DMD: variants seen among roughly 807,000 people sequenced by gnomAD.
DMD encodes dystrophin, also known as mutant dystrophin.
Under a neutral mutation model 330.1 loss-of-function variants are expected in DMD, and 63 were observed. The observed-to-expected ratio is 0.19, with a 90% CI of 0.16 to 0.24. DMD has a LOEUF of 0.24. Among genes scored for constraint, DMD ranks in the 10% least tolerant of loss-of-function variants. The pLI is 1.00. For synonymous variants in DMD, 1,223 were observed against 959.8 expected (o/e 1.27, Z -5.07); for missense variants, 3,344 against 2,684.1 (o/e 1.25, Z -5.43).
chrX:31,491,210 C>A (rs1286488684), intron 57 of DMD, among the ~76,000 whole-genome samples: 3 of 111,999 alleles, frequency 2.7e-5, no homozygotes, highest in African/African-American at 6.5e-5. Context: ...TTGTTACAAT[C>A]AAGATCTAAT....
chrX:31,845,375 G>GTCTC (rs535397626), intron 48 of DMD, among the ~76,000 whole-genome samples: 4,134 of 59,759 alleles, frequency 0.069, 270 homozygotes, highest in Non-Finnish European at 0.092. Context: ...ACAGAATAAA[G>GTCTC]TCTCTCTCTC....
intron 44 of DMD, among the ~76,000 whole-genome samples, chrX:32,216,077 G>A (rs2097111288): frequency 8.9e-6 from 1 of 111,794 alleles, no homozygotes. Flanking sequence ...ACTACTGGGT[G>A]TTTTTTGCCC....
chrX:33,234,352 T>G (rs888061529), intron 1 of DMD, among the ~76,000 whole-genome samples: 4 of 110,925 alleles, frequency 3.6e-5, no homozygotes, highest in African/African-American at 1.3e-4. Context: ...TAGATGGGTG[T>G]GTGTGTGTGT....
intron 30 of DMD, among the ~76,000 whole-genome samples, chrX:32,401,019 A>T (rs1165713703): frequency 9.0e-6 from 1 of 110,749 alleles, no homozygotes; most frequent in East Asian, 2.8e-4. Context: ...GGATGAGTTC[A>T]TGTCCTTTGT....
At chrX:31,221,898 A>C (rs1232022946) in intron 64 of DMD, among the ~76,000 whole-genome samples, 1 of 111,395 alleles carries the variant, frequency 9.0e-6, no homozygotes, top group East Asian at 2.8e-4. Flanking sequence ...TCTATTAAAA[A>C]ATACAAAAAT....
intron 71 of DMD, among the ~76,000 whole-genome samples, chrX:31,177,287 T>G (rs2040611492): frequency 1.8e-5 from 2 of 111,655 alleles, no homozygotes; most frequent in African/African-American, 6.5e-5. Context: ...ACTTTCCTCC[T>G]AGAGCAAATG....
chrX:33,144,327 C>A (rs2047930121), intron 1 of DMD, among the ~76,000 whole-genome samples: 1 of 111,102 alleles, frequency 9.0e-6, no homozygotes, highest in Non-Finnish European at 1.9e-5. Flanking sequence ...TATAAAAATA[C>A]AGTTAGCTAG....
intron 47 of DMD, among the ~76,000 whole-genome samples, chrX:31,899,670 ATTAT>A (rs760141676): frequency 1.8e-5 from 2 of 111,086 alleles, no homozygotes; most frequent in East Asian, 5.7e-4. Context: ...CCATACAGCG[ATTAT>A]TTATTTTCTT....
chrX:31,656,276 T>C (rs2080777545), intron 54 of DMD, among the ~76,000 whole-genome samples: 1 of 112,461 alleles, frequency 8.9e-6, no homozygotes, highest in African/African-American at 3.2e-5. Context: ...CCTTAGCTGA[T>C]AGCTTTTTGG....
At chrX:31,940,941 G>A (rs1007168441) in intron 45 of DMD, among the ~76,000 whole-genome samples, 8 of 111,550 alleles carry the variant, frequency 7.2e-5, no homozygotes, top group Non-Finnish European at 1.3e-4. Context: ...GGAATCTGAA[G>A]GCTTTTATAA....
intron 52 of DMD, among the ~76,000 whole-genome samples, chrX:31,704,532 T>C (rs1396937333): frequency 1.8e-5 from 2 of 112,162 alleles, no homozygotes; most frequent in African/African-American, 6.5e-5. Context: ...ACTGCAAAAC[T>C]GTCAGCAAAT....
At chrX:32,404,043 G>T (rs1169803504) in intron 30 of DMD, among the ~76,000 whole-genome samples, 1 of 111,850 alleles carries the variant, frequency 8.9e-6, no homozygotes, top group Non-Finnish European at 1.9e-5. Flanking sequence ...ACCAAAATCT[G>T]CAGTTATATC....
chrX:31,462,625 A>G (rs929481714), intron 59 of DMD, among the ~76,000 whole-genome samples: 1 of 111,787 alleles, frequency 8.9e-6, no homozygotes. Flanking sequence ...CCTAACTCCA[A>G]TACAGGCTTC....
intron 55 of DMD, among the ~76,000 whole-genome samples, chrX:31,599,857 T>C (rs190900239): frequency 7.2e-4 from 81 of 112,179 alleles, no homozygotes; most frequent in Non-Finnish European, 1.0e-3. Context: ...TCTCATGTGG[T>C]TTATTGCTTT....
rs150724698 is a variant in DMD, at chrX:32,347,535, G to A, written c.5448+871C>T. Reference sequence around the variant, plus strand: ...TACATGGGGAGTATTGATTGAGGCAGCTCCAGGAAGTGGGAACTAAGATTG... The same window carrying A: ...TACATGGGGAGTATTGATTGAGGCAACTCCAGGAAGTGGGAACTAAGATTG... On this transcript the variant is annotated intron_variant, in intron 38 of 78. Transcript: ENST00000357033. Among the ~76,000 whole-genome samples the A allele has an allele frequency of 7.9e-3, 880 of 111,718 alleles. 4 individuals are homozygous for A. Among genetic ancestry groups the A allele is most frequent in the South Asian group, 0.055 (148 of 2,682 alleles).
chrX:32,754,106 C>T (rs932925884), intron 7 of DMD, among the ~76,000 whole-genome samples: 2 of 111,661 alleles, frequency 1.8e-5, no homozygotes, highest in Admixed American at 9.6e-5. Context: ...TGGTAGCTTA[C>T]TAATTATAAT....
At chrX:32,596,549 T>A (rs1313785438) in intron 12 of DMD, among the ~76,000 whole-genome samples, 1 of 110,304 alleles carries the variant, frequency 9.1e-6, no homozygotes, top group Non-Finnish European at 1.9e-5. Context: ...TTTTTATTTT[T>A]TTTTTCTATT....
intron 54 of DMD, among the ~76,000 whole-genome samples, chrX:31,635,004 T>C (rs2079333560): frequency 9.0e-6 from 1 of 111,529 alleles, no homozygotes. Flanking sequence ...GCTGATACAA[T>C]ACGAAAAGGT....
chrX:31,738,735 T>C (rs1215979567), intron 51 of DMD, among the ~76,000 whole-genome samples: 2 of 112,381 alleles, frequency 1.8e-5, no homozygotes, highest in African/African-American at 6.5e-5. Context: ...AATGGAATAC[T>C]ACTCAGCCAC....
Sources: allele counts gnomAD v4.1 joint callset (sites outside exome capture counted in the v4.1 genomes callset), GRCh38; gene constraint gnomAD v4.1.1; transcripts MANE v1.5; gene names NCBI Gene and HGNC (gene_info 2026-07-23, HGNC 2026-07-21).